Variants in NRG1 observed in about 807,000 individuals in gnomAD.
NRG1 encodes the protein neuregulin 1.
In NRG1, 18 loss-of-function variants were observed where a neutral mutation model predicts 63.8. That is an observed-to-expected ratio of 0.28 (90% CI 0.19 to 0.42). NRG1 has a LOEUF of 0.42. Ranked by LOEUF, NRG1 falls within the 10% of genes least tolerant of loss-of-function variation. NRG1 has a pLI of 1.00. For missense variants in NRG1, 762 were observed against 814.7 expected (o/e 0.94, Z 0.79); for synonymous variants, 302 against 301.3 (o/e 1.00, Z -0.02).
chr8:32,622,604 A>G (rs1588765207), intron 5 of NRG1, among the ~76,000 whole-genome samples: 4 of 152,196 alleles, frequency 2.6e-5, no homozygotes, highest in African/African-American at 9.6e-5. Flanking sequence ...CATGTTCCCC[A>G]CACTGCTATT....
At chr8:31,863,430 T>C (rs1274045922) in intron 1 of NRG1, among the ~76,000 whole-genome samples, 1 of 152,142 alleles carries the variant, frequency 6.6e-6, no homozygotes, top group South Asian at 2.1e-4. Flanking sequence ...AAGATATGTG[T>C]CTAAGAGGCT....
chr8:31,998,981 C>G (rs1812477638), intron 1 of NRG1, among the ~76,000 whole-genome samples: 1 of 151,828 alleles, frequency 6.6e-6, no homozygotes, highest in Non-Finnish European at 1.5e-5. Context: ...TGGTCAGTGG[C>G]TCTTTAAGAA....
intron 1 of NRG1, among the ~76,000 whole-genome samples, chr8:31,881,995 G>T (rs959774768): frequency 2.0e-5 from 3 of 152,132 alleles, no homozygotes; most frequent in Non-Finnish European, 2.9e-5. Context: ...ATTGATGAAG[G>T]TGGCTACACT....
intron 1 of NRG1, among the ~76,000 whole-genome samples, chr8:31,878,428 C>T (rs1003211933): frequency 2.6e-5 from 4 of 152,028 alleles, no homozygotes; most frequent in Admixed American, 6.6e-5. Flanking sequence ...TAAGGAGTTG[C>T]GTTTGATAGG....
intron 1 of NRG1, among the ~76,000 whole-genome samples, chr8:32,549,838 A>G (rs1471842517): frequency 3.3e-5 from 5 of 152,198 alleles, no homozygotes; most frequent in Admixed American, 6.5e-5. Context: ...GGGAGGAAGG[A>G]GATGGGGGAG....
intron 1 of NRG1, among the ~76,000 whole-genome samples, chr8:31,670,257 C>T (rs1206005750): frequency 6.6e-6 from 1 of 152,100 alleles, no homozygotes; most frequent in Non-Finnish European, 1.5e-5. Context: ...TTCTTACTCA[C>T]GGGGGTCACC....
At chr8:32,586,902 C>A (rs1314234967) in intron 1 of NRG1, among the ~76,000 whole-genome samples, 1 of 152,106 alleles carries the variant, frequency 6.6e-6, no homozygotes, top group Non-Finnish European at 1.5e-5. Context: ...TGGAGAAGAG[C>A]AACTTTGACT....
At chr8:32,585,735 C>G (rs1841503777) in intron 1 of NRG1, among the ~76,000 whole-genome samples, 1 of 152,180 alleles carries the variant, frequency 6.6e-6, no homozygotes, top group African/African-American at 2.4e-5. Flanking sequence ...GAAAATTCAG[C>G]AATTTTGCAT....
At chr8:32,478,895 T>C (rs769263519) in intron 1 of NRG1, among the ~76,000 whole-genome samples, 16 of 152,224 alleles carry the variant, frequency 1.1e-4, no homozygotes, top group Non-Finnish European at 2.4e-4. Context: ...GCAAAGAGTA[T>C]AATTGAATTT....
intron 1 of NRG1, among the ~76,000 whole-genome samples, chr8:31,860,049 G>A (rs889399697): frequency 2.6e-5 from 4 of 152,284 alleles, no homozygotes; most frequent in East Asian, 1.9e-4. Flanking sequence ...GGATAGTTAC[G>A]TCCTTGGAGG....
intron 1 of NRG1, among the ~76,000 whole-genome samples, chr8:32,106,459 A>G (rs1189162306): frequency 6.6e-6 from 1 of 152,180 alleles, no homozygotes; most frequent in Non-Finnish European, 1.5e-5. Context: ...AGATTACAGT[A>G]AAGACATGAA....
chr8:32,750,085 G>A (rs561310657), intron 7 of NRG1, among the ~76,000 whole-genome samples: 83 of 152,250 alleles, frequency 5.5e-4, no homozygotes, highest in African/African-American at 1.8e-3. Context: ...AAGCCCTTAC[G>A]TTACAACACA....
At chr8:31,679,823 A>G (rs1426485422) in intron 1 of NRG1, among the ~76,000 whole-genome samples, 1 of 152,146 alleles carries the variant, frequency 6.6e-6, no homozygotes, top group African/African-American at 2.4e-5. Flanking sequence ...CCAAAAAAAT[A>G]CAGATTAAGT....
At chr8:32,573,104 A>T (rs1217772571) in intron 1 of NRG1, among the ~76,000 whole-genome samples, 1 of 152,186 alleles carries the variant, frequency 6.6e-6, no homozygotes, top group Non-Finnish European at 1.5e-5. Flanking sequence ...ATTCTCAGAT[A>T]ACATTCTGAA....
At chr8:32,222,596 T>C (rs1286465059) in intron 1 of NRG1, among the ~76,000 whole-genome samples, 1 of 152,210 alleles carries the variant, frequency 6.6e-6, no homozygotes, top group Non-Finnish European at 1.5e-5. Flanking sequence ...TTCAAAGACA[T>C]TCAGTCAGCC....
intron 1 of NRG1, among the ~76,000 whole-genome samples, chr8:32,265,869 A>G (rs1008938209): frequency 7.2e-5 from 11 of 152,124 alleles, no homozygotes; most frequent in African/African-American, 2.7e-4. Flanking sequence ...ATAAAAATCA[A>G]TACAATATAA....
At chr8:32,691,100 T>G (rs933048078) in intron 5 of NRG1, among the ~76,000 whole-genome samples, 2 of 152,000 alleles carry the variant, frequency 1.3e-5, no homozygotes, top group African/African-American at 2.4e-5. Flanking sequence ...ACCTAGCACT[T>G]TGTGTTGACT....
At position 32,132,109 on chromosome 8, in the gene NRG1, C is replaced by T. The variant is rs990592129; in HGVS notation, c.38-463719C>T. Among the ~76,000 whole-genome samples the T allele has an allele frequency of 7.9e-5, 12 of 152,062 alleles. No individual in the cohort carries two copies. In the East Asian group the frequency reaches 1.9e-3, roughly 25 times the overall value. On this transcript the variant is annotated intron_variant, in intron 1 of 10. Transcript: ENST00000519301. Reference sequence around the variant, plus strand: ...CATAACAGGTCAAGGATTGCTTACTCATGTTTGAGAAGCAATAATGATATG... The same window carrying T: ...CATAACAGGTCAAGGATTGCTTACTTATGTTTGAGAAGCAATAATGATATG...
chr8:32,726,324 AT>A (rs1011468531), intron 5 of NRG1, among the ~76,000 whole-genome samples: 26 of 151,080 alleles, frequency 1.7e-4, no homozygotes, highest in African/African-American at 2.9e-4. Flanking sequence ...TTGAATGCCA[AT>A]TTTTTTTTGC....
Sources: gnomAD v4.1 joint callset for allele counts (sites outside exome capture counted in the v4.1 genomes callset) on GRCh38, gnomAD v4.1.1 for gene constraint, MANE v1.5 for transcripts, NCBI Gene and HGNC (gene_info 2026-07-23, HGNC 2026-07-21) for gene names.